CCSER1: variants seen among roughly 807,000 people sequenced by gnomAD.
The protein encoded by CCSER1 is coiled-coil serine rich protein 1.
CCSER1 carries 41 observed loss-of-function variants against 82.0 expected under a neutral mutation model. That is an observed-to-expected ratio of 0.50 (90% confidence interval 0.39 to 0.65). The LOEUF (loss-of-function observed/expected upper bound fraction) is 0.65. Ranked by LOEUF, CCSER1 falls within the 30% of genes least tolerant of loss-of-function variation. CCSER1 has a pLI of 0.00. For missense variants in CCSER1, 1,119 were observed against 1,064.2 expected, an observed-to-expected ratio of 1.05 and a Z score of -0.72; for synonymous variants, 414 against 383.9, an observed-to-expected ratio of 1.08 and a Z score of -0.92.
At chr4:90,583,241 A>C (rs1159815687) in intron 5 of CCSER1, among the ~76,000 whole-genome samples, 3 of 152,170 alleles carry the variant, frequency 2.0e-5, no homozygotes, top group African/African-American at 7.2e-5. Context: ...ATCTAGGCTC[A>C]CTGCAAACTC....
At chr4:90,229,956 C>T (rs1334470794) in intron 1 of CCSER1, among the ~76,000 whole-genome samples, 7 of 152,082 alleles carry the variant, frequency 4.6e-5, no homozygotes, top group Non-Finnish European at 8.8e-5. Flanking sequence ...AATAGGAGCA[C>T]CCAGATTCAT....
intron 1 of CCSER1, among the ~76,000 whole-genome samples, chr4:90,228,256 C>A (rs2153425469): frequency 6.6e-6 from 1 of 152,306 alleles, no homozygotes. Context: ...GTGTTTCTCC[C>A]AGCACGCAGC....
intron 9 of CCSER1, among the ~76,000 whole-genome samples, chr4:91,057,066 C>T (rs1028332392): frequency 6.6e-6 from 1 of 152,120 alleles, no homozygotes; most frequent in Non-Finnish European, 1.5e-5. Flanking sequence ...TGTGTCTGCA[C>T]CTCCATGATA....
chr4:90,937,020 C>T (rs552589417), intron 9 of CCSER1, among the ~76,000 whole-genome samples: 1 of 152,046 alleles, frequency 6.6e-6, no homozygotes, highest in African/African-American at 2.4e-5. Context: ...CAAGCATACA[C>T]AACCAGACAA....
At chr4:91,400,132 C>T (rs920495950) in intron 10 of CCSER1, among the ~76,000 whole-genome samples, 4 of 151,990 alleles carry the variant, frequency 2.6e-5, no homozygotes, top group Non-Finnish European at 4.4e-5. Context: ...GTTGCTATCA[C>T]TTATTGCCTA....
rs76450277 is a variant in CCSER1 at position 90,787,967 on chromosome 4, A to G, written c.2011-27795A>G. Among the ~76,000 whole-genome samples the G allele has an allele frequency of 4.7e-4, 72 of 152,314 alleles. No homozygotes were observed. In the East Asian group the frequency reaches 0.011, roughly 23 times the overall value. On this transcript the variant is annotated intron_variant, in intron 7 of 10. Transcript: ENST00000509176. The stretch of plus-strand genomic sequence containing the variant: ...TGAAGGTTAAACTACTGCTACATAC[A>G]CTGACTTAAGTAGGCAGCTGCTTAT...
chr4:90,434,799 T>C lies in CCSER1; in HGVS notation c.1604-33435T>C, dbSNP rs147380826. Among the ~76,000 whole-genome samples, 3 of 152,342 alleles carry C rather than the reference T, an allele frequency of 2.0e-5. No homozygotes were observed. The East Asian group carries it at 5.8e-4, about 29-fold the overall frequency. On this transcript the variant is annotated intron_variant, in intron 4 of 10. Coordinates refer to ENST00000509176, the MANE Select transcript of CCSER1 (RefSeq NM_001145065.2). ...TTGGGGATTTGGTAAAGATTTTCTA[T>C]GTAGGGACAGACTATGATCAAACTT... is the stretch of plus-strand genomic sequence containing the variant.
chr4:91,020,530 C>T (rs1470019492), intron 9 of CCSER1, among the ~76,000 whole-genome samples: 1 of 151,956 alleles, frequency 6.6e-6, no homozygotes, highest in Non-Finnish European at 1.5e-5. Context: ...GGTGTGGTGG[C>T]GGGTGCCTGT....
chr4:90,598,987 T>C (rs893484774), intron 5 of CCSER1, among the ~76,000 whole-genome samples: 6 of 152,208 alleles, frequency 3.9e-5, no homozygotes, highest in Non-Finnish European at 5.9e-5. Flanking sequence ...ACTCTAGCAG[T>C]GGCTCTGGGT....
intron 9 of CCSER1, among the ~76,000 whole-genome samples, chr4:90,957,548 T>A (rs1390222879): frequency 1.2e-5 from 1 of 86,064 alleles, no homozygotes; most frequent in East Asian, 3.9e-4. Context: ...ATTATATAAT[T>A]ATATTATATA....
intron 3 of CCSER1, among the ~76,000 whole-genome samples, chr4:90,391,485 TAC>T (rs1215609189): frequency 0.029 from 2,219 of 76,236 alleles, 56 homozygotes; most frequent in African/African-American, 0.057. Flanking sequence ...TATATATATA[TAC>T]ACACACACAG....
chr4:91,527,554 T>C (rs933035361), intron 10 of CCSER1, among the ~76,000 whole-genome samples: 1 of 152,060 alleles, frequency 6.6e-6, no homozygotes, highest in Non-Finnish European at 1.5e-5. Context: ...GAGAAAAAAA[T>C]GGGAATATTT....
rs141960734 is a variant in CCSER1, at chr4:91,232,258, A to G, written c.2217+146264A>G. Among the ~76,000 whole-genome samples, 367 of 152,018 alleles carry G rather than the reference A, an allele frequency of 2.4e-3. 3 individuals carry two copies. The highest frequency in any genetic ancestry group is 8.3e-3 in the African/African-American group (344 of 41,554). On this transcript the variant is annotated intron_variant, in intron 10 of 10. Transcript: ENST00000509176. ...TCAGGAATTGTTTCACACCTGTGAA[A>G]TAATGTATATATAAGAATATTCAGT...
chr4:90,845,087 G>A (rs1482417852), intron 8 of CCSER1, among the ~76,000 whole-genome samples: 1 of 152,152 alleles, frequency 6.6e-6, no homozygotes, highest in Non-Finnish European at 1.5e-5. Context: ...GTTAGGCCGG[G>A]TGTGGTGGCT....
chr4:91,354,671 G>A (rs111317076), intron 10 of CCSER1, among the ~76,000 whole-genome samples: 3 of 152,138 alleles, frequency 2.0e-5, no homozygotes, highest in Admixed American at 6.5e-5. Context: ...CTTTTAGGAC[G>A]AAAAATATGT....
At chr4:90,914,397 C>G (rs2085093) in intron 8 of CCSER1, among the ~76,000 whole-genome samples, 73,047 of 151,542 alleles carry the variant, frequency 0.48, 19,788 homozygotes, top group African/African-American at 0.75. Flanking sequence ...AATGACTGCT[C>G]GGTACATAAC....
chr4:90,979,093 T>A (rs1042663630), intron 9 of CCSER1, among the ~76,000 whole-genome samples: 1 of 151,600 alleles, frequency 6.6e-6, no homozygotes, highest in Non-Finnish European at 1.5e-5. Context: ...TACTTTCTGA[T>A]GTGAAATGAG....
chr4:90,723,936 G>C lies in CCSER1; in HGVS notation c.1955G>C (p.Ser652Thr), dbSNP rs754683530. ...CAGAGTGCAGACATGAGTCCAGCAAGCAGTACCACGTCACTTCCTGTTAGT... is the reference window on the plus strand; with the variant it reads ...CAGAGTGCAGACATGAGTCCAGCAACCAGTACCACGTCACTTCCTGTTAGT... ...LQESADMSPA[S>T]STTSLPVSPL... is the part of the protein sequence containing the mutation. The change falls in exon 7 of 11, where the codon AGC becomes ACC. Residue 652 changes from serine (S) to threonine (T), a missense_variant. Physicochemically the swap from Ser to Thr is moderately conservative, Grantham distance 58. Transcript: ENST00000509176. The C allele has an allele frequency of 5.1e-6, 8 of 1,580,692 alleles. No homozygotes were observed. In the East Asian group the frequency reaches 1.6e-4, roughly 32 times the overall value.
intron 10 of CCSER1, among the ~76,000 whole-genome samples, chr4:91,455,030 A>T (rs1289073923): frequency 6.6e-6 from 1 of 152,142 alleles, no homozygotes; most frequent in East Asian, 1.9e-4. Flanking sequence ...ACTTCTAAAA[A>T]AAGTAAAATG....
Sources: gnomAD v4.1 joint callset for allele counts (sites outside exome capture counted in the v4.1 genomes callset) on GRCh38, gnomAD v4.1.1 for gene constraint, MANE v1.5 for transcripts, NCBI Gene and HGNC (gene_info 2026-07-23, HGNC 2026-07-21) for gene names.